The following DENND1A variants were observed in gnomAD, a reference collection of about 807,000 sequenced individuals.
DENND1A encodes the protein DENN domain-containing protein 1A.
DENND1A carries 51 observed loss-of-function variants against 113.7 expected under a neutral mutation model. That is an observed-to-expected ratio of 0.45 (90% CI 0.36 to 0.57). DENND1A has a LOEUF of 0.57. Among genes scored for constraint, DENND1A ranks in the 20% least tolerant of loss-of-function variants. DENND1A has a pLI of 0.00. For missense variants in DENND1A, 1,258 were observed against 1,395.9 expected, an observed-to-expected ratio of 0.90 and a Z score of 1.57; for synonymous variants, 565 against 570.8, an observed-to-expected ratio of 0.99 and a Z score of 0.14.
At chr9:123,401,343 G>A (rs550158886) in intron 21 of DENND1A, 20 of 291,530 alleles carry the variant, frequency 6.9e-5, no homozygotes, top group Non-Finnish European at 9.7e-5. Flanking sequence ...GAGCACAGTG[G>A]GGGGGTGGGG....
At chr9:123,833,726 G>C (rs1590281812) in intron 2 of DENND1A, among the ~76,000 whole-genome samples, 1 of 150,612 alleles carries the variant, frequency 6.6e-6, no homozygotes, top group East Asian at 1.9e-4. Context: ...TCAGACTTTA[G>C]AAAGATCTTT....
intron 9 of DENND1A, among the ~76,000 whole-genome samples, chr9:123,648,620 G>C (rs2062468872): frequency 6.6e-6 from 1 of 152,058 alleles, no homozygotes; most frequent in Non-Finnish European, 1.5e-5. Context: ...TCAGAGAAAA[G>C]TATCTTTTAA....
intron 22 of DENND1A, 21 bp from the exon 23 acceptor site, chr9:123,383,934 T>C: frequency 6.3e-7 from 1 of 1,596,008 alleles, no homozygotes; most frequent in Non-Finnish European, 8.5e-7. Flanking sequence ...CAGAGCAGGC[T>C]GCACTCTCCC....
chr9:123,640,764 C>T (rs1185982296), intron 9 of DENND1A, among the ~76,000 whole-genome samples: 1 of 152,188 alleles, frequency 6.6e-6, no homozygotes, highest in Non-Finnish European at 1.5e-5. Context: ...GGTGTGAATA[C>T]TATCCCCATT....
At chr9:123,835,939 C>T (rs1197309943) in intron 2 of DENND1A, among the ~76,000 whole-genome samples, 1 of 152,108 alleles carries the variant, frequency 6.6e-6, no homozygotes, top group Admixed American at 6.6e-5. Flanking sequence ...GTTTTCTCAA[C>T]CTCCCTCAAT....
At chr9:123,852,557 T>C (rs1325739400) in intron 2 of DENND1A, among the ~76,000 whole-genome samples, 3 of 152,210 alleles carry the variant, frequency 2.0e-5, no homozygotes, top group African/African-American at 7.2e-5. Context: ...TTTGAATTTA[T>C]GAATAAGTAT....
intron 19 of DENND1A, among the ~76,000 whole-genome samples, chr9:123,425,458 G>GTGCAGGCGCCGCAGAACAAGTCAC (rs2045644041): frequency 1.3e-5 from 2 of 152,266 alleles, no homozygotes; most frequent in African/African-American, 4.8e-5. Flanking sequence ...TCTAAAGCGC[G>GTGCAGGCGCCGCAGAACAAGTCAC]TGCAGGCGCC....
chr9:123,792,731 G>A, intron 2 of DENND1A, 101 bp from the exon 3 acceptor site: 3 of 1,308,342 alleles, frequency 2.3e-6, no homozygotes, highest in Non-Finnish European at 3.2e-6. Flanking sequence ...AGCCCTGGCA[G>A]GGGATCCAAG....
chr9:123,929,989 G>T lies in DENND1A; in HGVS notation c.-84C>A. 1 of 270,698 alleles carries T rather than the reference G, an allele frequency of 3.7e-6. No individual in the cohort carries two copies. Among genetic ancestry groups the T allele is most frequent in the Non-Finnish European group, 6.8e-6 (1 of 147,440 alleles). The allele number at this position is 270,698 out of a possible 1,614,324, so 16.8% of individuals were successfully genotyped here. On this transcript the variant is annotated 5_prime_UTR_variant, in exon 1 of 24. Transcript: ENST00000394215. ...CCCGCGGCCGACCGGCCTCCCTCTG[G>T]CGCTCTCCCCGCCCCTTCCTCCCTT...
At chr9:123,531,790 C>T (rs766742638) in intron 13 of DENND1A, among the ~76,000 whole-genome samples, 2 of 152,108 alleles carry the variant, frequency 1.3e-5, no homozygotes, top group Non-Finnish European at 2.9e-5. Flanking sequence ...CCTACTTTTA[C>T]ACATAGCAAA....
intron 12 of DENND1A, among the ~76,000 whole-genome samples, chr9:123,566,913 CCACACA>C (rs59984497): frequency 5.4e-5 from 8 of 147,436 alleles, no homozygotes; most frequent in South Asian, 2.2e-4. Flanking sequence ...CTTTAACACA[CCACACA>C]CACACACACA....
At chr9:123,884,997 G>GCACACA (rs57555620) in intron 1 of DENND1A, among the ~76,000 whole-genome samples, 150 of 145,938 alleles carry the variant, frequency 1.0e-3, no homozygotes, top group Middle Eastern at 3.5e-3. Context: ...GAGCGCGCGC[G>GCACACA]CACACACACA....
At chr9:123,508,370 C>T (rs142616239) in intron 13 of DENND1A, among the ~76,000 whole-genome samples, 59 of 152,296 alleles carry the variant, frequency 3.9e-4, no homozygotes, top group African/African-American at 1.3e-3. Context: ...ATTCATGGTT[C>T]GTAAATTCTA....
intron 9 of DENND1A, among the ~76,000 whole-genome samples, chr9:123,649,605 G>A (rs1036404766): frequency 1.3e-5 from 2 of 152,148 alleles, no homozygotes; most frequent in Non-Finnish European, 2.9e-5. Flanking sequence ...TTCAATTTCT[G>A]TAAGTTAAAT....
chr9:123,913,658 C>T (rs1053464561), intron 1 of DENND1A, among the ~76,000 whole-genome samples: 2 of 152,146 alleles, frequency 1.3e-5, no homozygotes, highest in Non-Finnish European at 2.9e-5. Context: ...GTAATCCCAG[C>T]ACTTTGGGAG....
chr9:123,447,922 A>G (rs1258000476), intron 18 of DENND1A, among the ~76,000 whole-genome samples: 1 of 152,226 alleles, frequency 6.6e-6, no homozygotes. Flanking sequence ...GAACAATGCT[A>G]GAGTTTCAAT....
At chr9:123,658,773 C>T (rs1218580306) in intron 8 of DENND1A, among the ~76,000 whole-genome samples, 1 of 152,002 alleles carries the variant, frequency 6.6e-6, no homozygotes, top group Admixed American at 6.5e-5. Flanking sequence ...GGGTACAGTG[C>T]TACTGTGAAA....
intron 21 of DENND1A, among the ~76,000 whole-genome samples, chr9:123,393,524 G>T (rs2051075): frequency 0.69 from 104,659 of 150,630 alleles, 37,248 homozygotes; most frequent in Non-Finnish European, 0.8. Flanking sequence ...CAGCTAGACC[G>T]CATCTTAAAA....
intron 1 of DENND1A, among the ~76,000 whole-genome samples, chr9:123,887,722 C>A (rs1849301859): frequency 6.6e-6 from 1 of 151,886 alleles, no homozygotes; most frequent in African/African-American, 2.4e-5. Flanking sequence ...CCATCAAGTC[C>A]TTGTGATGCC....
Sources: gnomAD v4.1 joint callset for allele counts (sites outside exome capture counted in the v4.1 genomes callset) on GRCh38, gnomAD v4.1.1 for gene constraint, MANE v1.5 for transcripts, NCBI Gene and HGNC (gene_info 2026-07-23, HGNC 2026-07-21) for gene names.